Variants in SYDE2 observed in about 807,000 individuals in gnomAD.
SYDE2 encodes synapse defective Rho GTPase homolog 2, also known as rho GTPase-activating protein SYDE2.
SYDE2 carries 76 observed loss-of-function variants against 91.5 expected under a neutral mutation model. That is an observed-to-expected ratio of 0.83 (90% CI 0.69 to 1.01). SYDE2 has a LOEUF of 1.01. Ranked by LOEUF, SYDE2 falls within the 50% of genes least tolerant of loss-of-function variation. The pLI is 0.00. For synonymous variants in SYDE2, 513 were observed against 506.4 expected (o/e 1.01, Z -0.18); for missense variants, 1,364 against 1,367.7 (o/e 1.00, Z 0.04).
chr1:85,174,738 A>G (rs941775712), intron 4 of SYDE2, among the ~76,000 whole-genome samples: 4 of 151,978 alleles, frequency 2.6e-5, no homozygotes, highest in South Asian at 2.1e-4. Flanking sequence ...CAATCTCAGT[A>G]TATGTGGGTT....
At position 85,157,454 on chromosome 1, in the gene SYDE2, C is replaced by G. The variant is rs953464509; in HGVS notation, c.*1296G>C. 6.6e-6 allele frequency: 1 copy of G among 151,962 alleles called. No homozygotes were observed. Among genetic ancestry groups the G allele is most frequent in the African/African-American group, 2.4e-5 (1 of 41,406 alleles). 9.4% of individuals were successfully genotyped at this position (151,962 alleles called of 1,614,324 possible). ...AAACAAATGGGGGTAATTATAAAGT[C>G]AATGTTATAAATGTACTACTACAAA... On this transcript the variant is annotated 3_prime_UTR_variant, in exon 7 of 7. Transcript: ENST00000341460.
At chr1:85,184,557 C>G (rs1053265156) in intron 2 of SYDE2, among the ~76,000 whole-genome samples, 1 of 151,980 alleles carries the variant, frequency 6.6e-6, no homozygotes, top group African/African-American at 2.4e-5. Context: ...CAGCAAAAAT[C>G]AAAAATAAAG....
At chr1:85,172,502 GT>G (rs1427164396) in intron 4 of SYDE2, among the ~76,000 whole-genome samples, 1 of 152,006 alleles carries the variant, frequency 6.6e-6, no homozygotes, top group Non-Finnish European at 1.5e-5. Context: ...GCAGACCAGT[GT>G]TTCTAGGCAA....
intron 3 of SYDE2, among the ~76,000 whole-genome samples, chr1:85,180,705 T>A (rs1570254068): frequency 6.9e-6 from 1 of 144,018 alleles, no homozygotes; most frequent in African/African-American, 2.6e-5. Context: ...AAAAAAAAAA[T>A]ACAGTTCTAC....
Position 85,169,233 on chromosome 1 carries a change from A to G in SYDE2, c.2672-8T>C, listed in dbSNP as rs1472548630. On this transcript the variant is annotated splice_region_variant and splice_polypyrimidine_tract_variant and intron_variant, in intron 4 of 6. Coordinates refer to ENST00000341460, the MANE Select transcript of SYDE2 (RefSeq NM_032184.2). ...AATAATCCTTAAGAACACCTTTAAA[A>G]AACAAACCGCAGACAGTTGGTGATT... 6.2e-7 allele frequency: 1 copy of G among 1,604,424 alleles called. No homozygotes were observed. The highest frequency in any genetic ancestry group is 1.7e-5 in the Admixed American group (1 of 58,336).
At position 85,186,752 on chromosome 1, in the gene SYDE2, C is replaced by G. The variant is rs560631805; in HGVS notation, c.1441+3305G>C. On this transcript the variant is annotated intron_variant, in intron 2 of 6. Coordinates refer to ENST00000341460, the MANE Select transcript of SYDE2 (RefSeq NM_032184.2). ...TGATCTTTGACAAACCTGAGAAAAA[C>G]AAGCAATGGGGAAAGGATTCCCTAT... Among the ~76,000 whole-genome samples, 8 of 151,938 alleles carry G rather than the reference C, an allele frequency of 5.3e-5. No homozygotes were observed. The South Asian group carries it at 1.7e-3, about 32-fold the overall frequency.
At chr1:85,175,867 A>T (rs1371107774) in intron 4 of SYDE2, among the ~76,000 whole-genome samples, 2 of 152,222 alleles carry the variant, frequency 1.3e-5, no homozygotes, top group African/African-American at 4.8e-5. Context: ...CAAGAAAAAA[A>T]TAGTTCTAAA....
chr1:85,186,003 G>A (rs531162150), intron 2 of SYDE2, among the ~76,000 whole-genome samples: 1,708 of 152,196 alleles, frequency 0.011, 18 homozygotes, highest in Non-Finnish European at 0.019. Flanking sequence ...TTTTTAGCAT[G>A]AAGGGTTGTT....
Position 85,200,512 on chromosome 1 carries a change from G to T in SYDE2, c.485C>A (p.Ala162Glu). The change falls in exon 1 of 7, where the codon GCG becomes GAG. Residue 162 changes from alanine (A) to glutamate (E), a missense_variant. Ala to Glu is a moderately radical substitution (Grantham distance 107, BLOSUM62 -1). Coordinates refer to ENST00000341460, the MANE Select transcript of SYDE2 (RefSeq NM_032184.2). ...CSSGSPFRDP[A>E]GSSVIRSGKG... ...GCCACTGCGTATCACAGAGGACCCC[G>T]CTGGATCCCTGAAAGGGCTTCCCGA... The T allele has an allele frequency of 6.2e-7, 1 of 1,613,532 alleles. No homozygotes were observed. The highest frequency in any genetic ancestry group is 8.5e-7 in the Non-Finnish European group (1 of 1,179,886).
intron 6 of SYDE2, among the ~76,000 whole-genome samples, chr1:85,161,378 G>A (rs954708365): frequency 6.6e-5 from 10 of 152,114 alleles, no homozygotes; most frequent in South Asian, 2.1e-4. Context: ...AAAGAAATAA[G>A]AGGAAAACTG....
At chr1:85,183,744 T>TA (rs150610157) in intron 2 of SYDE2, among the ~76,000 whole-genome samples, 13,404 of 152,160 alleles carry the variant, frequency 0.088, 1,541 homozygotes, top group African/African-American at 0.26. Flanking sequence ...TCTACTGGCT[T>TA]ACTAGTTTGA....
In SYDE2 at chr1:85,163,449, A is replaced by C. The variant is rs1407901159; in HGVS notation, c.3085+1077T>G. 5.1e-4 allele frequency among the ~76,000 whole-genome samples: 48 copies of C among 94,534 alleles called. No homozygotes were observed. In the East Asian group the frequency reaches 7.8e-3, roughly 15 times the overall value. 62.0% of individuals were successfully genotyped at this position (94,534 alleles called of 152,430 possible). The stretch of plus-strand genomic sequence containing the variant: ...AGCATTCTCTTGTACTTTAATCTAT[A>C]TATATATATATATATATATATATAT... On this transcript the variant is annotated intron_variant, in intron 6 of 6. Transcript: ENST00000341460.
At chr1:85,179,214 A>C (rs1261075448) in intron 3 of SYDE2, among the ~76,000 whole-genome samples, 5 of 152,200 alleles carry the variant, frequency 3.3e-5, no homozygotes, top group African/African-American at 1.2e-4. Flanking sequence ...TTTTGGAGAA[A>C]TAAACTATTT....
Position 85,164,524 on chromosome 1 carries a change from A to G in SYDE2, c.3085+2T>C. On this transcript the variant is annotated splice_donor_variant, in intron 6 of 6. Coordinates refer to ENST00000341460, the MANE Select transcript of SYDE2 (RefSeq NM_032184.2). LOFTEE classifies it high-confidence loss of function. ...GAAAAACATTTCCATAGAATCATTT[A>G]CCTGGCCAGAGTTGGAGTAAGTAAT... 1.3e-6 allele frequency: 2 copies of G among 1,567,168 alleles called. No individual in the cohort carries two copies. Among genetic ancestry groups the G allele is most frequent in the Non-Finnish European group, 1.7e-6 (2 of 1,156,228 alleles).
chr1:85,181,988 G>C, intron 3 of SYDE2, 110 bp downstream of exon 3: 1 of 1,163,324 alleles, frequency 8.6e-7, no homozygotes, highest in East Asian at 2.6e-5. Flanking sequence ...GAATAGGAAT[G>C]GTAAAATATC....
At chr1:85,173,964 TG>T (rs1174877417) in intron 4 of SYDE2, among the ~76,000 whole-genome samples, 1 of 151,846 alleles carries the variant, frequency 6.6e-6, no homozygotes, top group African/African-American at 2.4e-5. Flanking sequence ...ATGCAATGAA[TG>T]AAATTAATAT....
chr1:85,169,386 ATTCTT>A (rs1471313077), intron 4 of SYDE2, among the ~76,000 whole-genome samples, 161 bp from the exon 5 acceptor site: 21 of 152,236 alleles, frequency 1.4e-4, no homozygotes, highest in African/African-American at 4.8e-4. Flanking sequence ...AGCATTTTGT[ATTCTT>A]TTAAGTTGCC....
chr1:85,164,435 T>A, intron 6 of SYDE2, 91 bp downstream of exon 6: 13 of 937,964 alleles, frequency 1.4e-5, no homozygotes, highest in South Asian at 1.1e-4. Flanking sequence ...TCTAGAAGAG[T>A]TTCTTCAATC....
chr1:85,180,621 C>T (rs949986114), intron 3 of SYDE2, among the ~76,000 whole-genome samples: 2 of 150,392 alleles, frequency 1.3e-5, no homozygotes, highest in Non-Finnish European at 2.9e-5. Context: ...ACCCAGGAGG[C>T]GGAGGCTGCA....
Sources: allele counts gnomAD v4.1 joint callset (sites outside exome capture counted in the v4.1 genomes callset), GRCh38; gene constraint gnomAD v4.1.1; transcripts MANE v1.5; gene names NCBI Gene and HGNC (gene_info 2026-07-23, HGNC 2026-07-21).